The following TENM4 variants were observed in gnomAD, a reference collection of about 807,000 sequenced individuals.
The protein encoded by TENM4 is teneurin-4.
In TENM4, 82 loss-of-function variants were observed where a neutral mutation model predicts 243.3. The ratio of observed to expected loss-of-function variants is 0.34; its 90% CI spans 0.28 to 0.40. The LOEUF is 0.40. TENM4 is among the 10% of genes least tolerant of loss of function. The pLI is 1.00. For synonymous variants in TENM4, 1,412 were observed against 1,456.3 expected (o/e 0.97, Z 0.69); for missense variants, 3,138 against 3,673.3 (o/e 0.85, Z 3.77).
chr11:78,753,488 C>G (rs993212841), intron 19 of TENM4, among the ~76,000 whole-genome samples: 1 of 152,238 alleles, frequency 6.6e-6, no homozygotes, highest in African/African-American at 2.4e-5. Context: ...CAAATAAGCA[C>G]TGTCCTACTG....
chr11:78,879,735 C>T (rs1859378524), intron 9 of TENM4, among the ~76,000 whole-genome samples: 1 of 151,418 alleles, frequency 6.6e-6, no homozygotes, highest in Admixed American at 6.6e-5. Context: ...ACGGCCGCCA[C>T]CCTGTCTGCG....
intron 2 of TENM4, among the ~76,000 whole-genome samples, chr11:79,295,246 TG>T (rs914385278): frequency 5.3e-5 from 8 of 152,312 alleles, no homozygotes; most frequent in Middle Eastern, 6.8e-3. Context: ...ACCTGGCTCT[TG>T]GCTCAGGAAA....
At chr11:78,689,904 G>A (rs1341882404) in intron 28 of TENM4, among the ~76,000 whole-genome samples, 3 of 152,196 alleles carry the variant, frequency 2.0e-5, no homozygotes, top group Non-Finnish European at 2.9e-5. Flanking sequence ...GGGAGGGGCC[G>A]GTGGCCTTTG....
chr11:78,718,427 C>G (rs1350199132), intron 25 of TENM4, among the ~76,000 whole-genome samples: 1 of 152,134 alleles, frequency 6.6e-6, no homozygotes, highest in Non-Finnish European at 1.5e-5. Context: ...TCCCAAACCA[C>G]AAACTCTTTC....
chr11:78,988,759 C>T (rs138052745), intron 6 of TENM4, among the ~76,000 whole-genome samples: 2,026 of 152,320 alleles, frequency 0.013, 56 homozygotes, highest in African/African-American at 0.046. Context: ...ACTACAGCCT[C>T]CACCTTCCAG....
intron 26 of TENM4, among the ~76,000 whole-genome samples, chr11:78,709,029 G>A (rs1447576037): frequency 8.2e-5 from 12 of 147,122 alleles, no homozygotes; most frequent in East Asian, 5.9e-4. Flanking sequence ...GTGCAGTGGC[G>A]CGATCTCGGC....
intron 1 of TENM4, among the ~76,000 whole-genome samples, chr11:79,368,234 C>A (rs1250716457): frequency 6.6e-6 from 1 of 152,010 alleles, no homozygotes; most frequent in Non-Finnish European, 1.5e-5. Flanking sequence ...TTCAACAGAC[C>A]AAGCCTCCAG....
intron 17 of TENM4, among the ~76,000 whole-genome samples, chr11:78,777,043 A>G (rs1415499952): frequency 2.0e-5 from 3 of 152,000 alleles, no homozygotes. Flanking sequence ...CATTATATCT[A>G]TTCCCTCAAA....
chr11:78,724,982 T>G (rs939108397), intron 23 of TENM4, among the ~76,000 whole-genome samples: 2 of 152,184 alleles, frequency 1.3e-5, no homozygotes, highest in African/African-American at 4.8e-5. Context: ...ATTATCTACC[T>G]CCAGACTTGC....
intron 12 of TENM4, among the ~76,000 whole-genome samples, chr11:78,821,738 A>G (rs1478720861): frequency 2.0e-5 from 3 of 152,264 alleles, no homozygotes; most frequent in Non-Finnish European, 4.4e-5. Flanking sequence ...GTTTAAAAAT[A>G]TCTGAAACGT....
chr11:79,386,621 CA>C (rs374977007), intron 1 of TENM4, among the ~76,000 whole-genome samples: 8 of 152,222 alleles, frequency 5.3e-5, no homozygotes, highest in Admixed American at 2.6e-4. Context: ...AGAAGACATC[CA>C]AATGGCCAGT....
chr11:79,228,278 A>G (rs1479971135), intron 2 of TENM4, among the ~76,000 whole-genome samples: 1 of 152,166 alleles, frequency 6.6e-6, no homozygotes, highest in Non-Finnish European at 1.5e-5. Flanking sequence ...GGAATCCCAG[A>G]GCCAGGACAC....
At chr11:78,911,117 T>C (rs1224093488) in intron 6 of TENM4, among the ~76,000 whole-genome samples, 1 of 152,228 alleles carries the variant, frequency 6.6e-6, no homozygotes, top group East Asian at 1.9e-4. Context: ...TGAAAAAGCC[T>C]CATTGTATGA....
intron 9 of TENM4, among the ~76,000 whole-genome samples, chr11:78,869,885 A>G (rs545889449): frequency 1.3e-5 from 2 of 152,326 alleles, no homozygotes; most frequent in East Asian, 1.9e-4. Flanking sequence ...ATAGTTTGTT[A>G]AGAGGCTTTT....
chr11:78,823,283 G>A (rs893271747), intron 12 of TENM4, among the ~76,000 whole-genome samples: 1 of 152,200 alleles, frequency 6.6e-6, no homozygotes, highest in Non-Finnish European at 1.5e-5. Flanking sequence ...GGTGGCCCAG[G>A]TGCAAGAGAC....
intron 28 of TENM4, among the ~76,000 whole-genome samples, chr11:78,701,207 C>T (rs1257541671): frequency 6.6e-6 from 1 of 152,148 alleles, no homozygotes; most frequent in Non-Finnish European, 1.5e-5. Context: ...TTTTCATCTA[C>T]ACCATCTCCC....
chr11:78,934,003 TGGGA>T (rs1172602218), intron 6 of TENM4, among the ~76,000 whole-genome samples: 1 of 152,106 alleles, frequency 6.6e-6, no homozygotes. Context: ...AAGGGTGCAC[TGGGA>T]ATTAGAGATA....
chr11:78,871,407 A>T (rs529488008), intron 9 of TENM4, among the ~76,000 whole-genome samples: 2 of 152,158 alleles, frequency 1.3e-5, no homozygotes, highest in Non-Finnish European at 2.9e-5. Context: ...AAGTGAGGAC[A>T]TATCAGGACC....
intron 6 of TENM4, among the ~76,000 whole-genome samples, chr11:79,040,719 T>G (rs916277628): frequency 6.6e-6 from 1 of 152,258 alleles, no homozygotes; most frequent in Admixed American, 6.5e-5. Flanking sequence ...GCAAGTCACA[T>G]GGTGTTCAGG....
Sources: allele counts gnomAD v4.1 joint callset (sites outside exome capture counted in the v4.1 genomes callset), GRCh38; gene constraint gnomAD v4.1.1; transcripts MANE v1.5; gene names NCBI Gene and HGNC (gene_info 2026-07-23, HGNC 2026-07-21).